The following SYT16 variants were observed in gnomAD, a reference collection of about 807,000 sequenced individuals.
SYT16 encodes synaptotagmin 16.
In SYT16, 42 loss-of-function variants were observed where a neutral mutation model predicts 61.4. That is an observed-to-expected ratio of 0.68 (90% CI 0.53 to 0.89). The LOEUF is 0.89. Among genes scored for constraint, SYT16 ranks in the 40% least tolerant of loss-of-function variants. The pLI is 0.00. For missense variants in SYT16, 804 were observed against 807.3 expected, an observed-to-expected ratio of 1.00 and a Z score of 0.05; for synonymous variants, 314 against 302.3, an observed-to-expected ratio of 1.04 and a Z score of -0.40.
chr14:62,030,816 T>G (rs1485203617), intron 3 of SYT16, among the ~76,000 whole-genome samples: 4 of 152,202 alleles, frequency 2.6e-5, no homozygotes, highest in African/African-American at 9.6e-5. Context: ...AAATGAAAGC[T>G]GCAAAGAAAG....
chr14:61,916,600 ATCTTC>A (rs1027944755), intron 1 of SYT16, among the ~76,000 whole-genome samples: 8 of 152,236 alleles, frequency 5.3e-5, no homozygotes, highest in African/African-American at 1.2e-4. Context: ...AACCTTCCAA[ATCTTC>A]TCTTCTAGCT....
chr14:62,071,637 A>G (rs1320108212), intron 4 of SYT16, among the ~76,000 whole-genome samples: 1 of 152,166 alleles, frequency 6.6e-6, no homozygotes, highest in Non-Finnish European at 1.5e-5. Context: ...GTTCATCTTT[A>G]TATCAGTGGA....
rs2056216502 is a variant in SYT16 at position 62,069,691 on chromosome 14, G to A, written c.612G>A (p.Arg204=). The A allele has an allele frequency of 1.2e-6, 2 of 1,613,986 alleles. No homozygotes were observed. The highest frequency in any genetic ancestry group is 2.7e-5 in the African/African-American group (2 of 75,060). The change falls in exon 4 of 8, where the codon CGG becomes CGA. Residue 204 remains arginine (R), a synonymous_variant. Transcript: ENST00000683842. The part of the protein sequence containing the change: ...VIKQFEISVS[R]SQSFRSVTSE... ...AACAATTTGAGATTTCCGTGTCCCG[G>A]TCCCAGAGTTTCCGTTCAGTGACAT...
chr14:62,014,743 A>G (rs768309397), intron 3 of SYT16, among the ~76,000 whole-genome samples: 5 of 151,882 alleles, frequency 3.3e-5, no homozygotes, highest in African/African-American at 9.7e-5. Flanking sequence ...TGGTTTCTCT[A>G]TTTTTATGTT....
At chr14:62,052,052 T>A (rs1365316714) in intron 3 of SYT16, among the ~76,000 whole-genome samples, 1 of 152,234 alleles carries the variant, frequency 6.6e-6, no homozygotes, top group Non-Finnish European at 1.5e-5. Flanking sequence ...ATGTTTTCTT[T>A]ATATTAATAT....
At chr14:62,011,066 G>C (rs945177679) in intron 3 of SYT16, among the ~76,000 whole-genome samples, 9 of 152,030 alleles carry the variant, frequency 5.9e-5, no homozygotes, top group African/African-American at 1.9e-4. Flanking sequence ...GTGACATAGA[G>C]GCAATATTGC....
intron 7 of SYT16, among the ~76,000 whole-genome samples, chr14:62,093,661 A>C (rs1428132618): frequency 6.6e-6 from 1 of 152,160 alleles, no homozygotes; most frequent in African/African-American, 2.4e-5. Flanking sequence ...GGCTTACGAG[A>C]AAGCCTTATG....
chr14:61,856,072 C>T (rs147844121), intron 1 of SYT16, among the ~76,000 whole-genome samples: 119 of 152,172 alleles, frequency 7.8e-4, no homozygotes, highest in Admixed American at 1.6e-3. Flanking sequence ...TGGAGCAGAG[C>T]GAGTGGAAGG....
chr14:61,853,337 T>TAG, intron 1 of SYT16, among the ~76,000 whole-genome samples: 1 of 152,238 alleles, frequency 6.6e-6, no homozygotes, highest in African/African-American at 2.4e-5. Flanking sequence ...ACTATTGCTA[T>TAG]ATTCAGGGTC....
chr14:61,918,271 C>A (rs1291756029), intron 1 of SYT16, among the ~76,000 whole-genome samples: 1 of 152,078 alleles, frequency 6.6e-6, no homozygotes, highest in East Asian at 1.9e-4. Context: ...ATTAGAAGGA[C>A]CCAGAGATCT....
intron 3 of SYT16, among the ~76,000 whole-genome samples, chr14:62,034,527 AG>A (rs1205611946): frequency 6.6e-6 from 1 of 152,026 alleles, no homozygotes; most frequent in Non-Finnish European, 1.5e-5. Context: ...GGCTGTAAAA[AG>A]AATGAACTAC....
rs567753103 is a variant in SYT16 at position 62,007,255 on chromosome 14, A to G, written c.523+10713A>G. 2.3e-3 allele frequency among the ~76,000 whole-genome samples: 344 copies of G among 152,270 alleles called. 1 individual carries two copies. Among genetic ancestry groups the G allele is most frequent in the South Asian group, 3.3e-3 (16 of 4,824 alleles). On this transcript the variant is annotated intron_variant, in intron 3 of 7. Coordinates refer to ENST00000683842, the MANE Select transcript of SYT16 (RefSeq NM_001367656.1). ...GCATTCCACCTTTCCTTCCTTTGCA[A>G]TACTGGAACTTTGCTTTTCCATTGC...
intron 7 of SYT16, among the ~76,000 whole-genome samples, chr14:62,090,554 G>A (rs148845557): frequency 2.3e-3 from 357 of 152,270 alleles, no homozygotes; most frequent in African/African-American, 8.2e-3. Flanking sequence ...TAAATATAGT[G>A]TATTAAGAGC....
At chr14:61,977,511 T>A (rs907880080) in intron 2 of SYT16, among the ~76,000 whole-genome samples, 23 of 152,076 alleles carry the variant, frequency 1.5e-4, no homozygotes, top group Non-Finnish European at 2.5e-4. Flanking sequence ...GGGGAATAGC[T>A]CCTTATGAAA....
intron 2 of SYT16, among the ~76,000 whole-genome samples, chr14:61,974,694 G>A (rs973962287): frequency 6.6e-6 from 1 of 152,186 alleles, no homozygotes; most frequent in East Asian, 1.9e-4. Context: ...GAAATTGACC[G>A]AGTTACTTTG....
At chr14:61,982,324 T>C (rs2052115788) in intron 2 of SYT16, among the ~76,000 whole-genome samples, 1 of 152,134 alleles carries the variant, frequency 6.6e-6, no homozygotes, top group South Asian at 2.1e-4. Context: ...CTGGGTAATT[T>C]ATAAAGAAAA....
At chr14:61,817,129 T>C (rs1414109680) in intron 1 of SYT16, among the ~76,000 whole-genome samples, 1 of 150,132 alleles carries the variant, frequency 6.7e-6, no homozygotes, top group Admixed American at 6.6e-5. Flanking sequence ...ACATTAACAA[T>C]AATGGGGCTA....
chr14:61,990,114 C>G (rs1291646963), intron 2 of SYT16, among the ~76,000 whole-genome samples: 1 of 152,164 alleles, frequency 6.6e-6, no homozygotes, highest in African/African-American at 2.4e-5. Context: ...CACCTGTAGA[C>G]TCCTTTGAAT....
intron 3 of SYT16, among the ~76,000 whole-genome samples, chr14:62,014,623 G>A (rs2053591923): frequency 6.6e-6 from 1 of 151,820 alleles, no homozygotes; most frequent in South Asian, 2.1e-4. Flanking sequence ...CAGTAGAGAC[G>A]GGGTTTCACC....
Sources: gnomAD v4.1 joint callset for allele counts (sites outside exome capture counted in the v4.1 genomes callset) on GRCh38, gnomAD v4.1.1 for gene constraint, MANE v1.5 for transcripts, NCBI Gene and HGNC (gene_info 2026-07-23, HGNC 2026-07-21) for gene names.